The following IRF2 variants were observed in gnomAD, a reference collection of about 807,000 sequenced individuals.
IRF2 encodes the protein interferon regulatory factor 2.
IRF2 carries 15 observed loss-of-function variants against 40.6 expected under a neutral mutation model. The observed-to-expected ratio is 0.37, with a 90% CI of 0.25 to 0.57. The LOEUF is 0.57. IRF2 is among the 20% of genes least tolerant of loss of function. The pLI is 0.77. For missense variants in IRF2, 317 were observed against 455.7 expected (o/e 0.70, Z 2.77); for synonymous variants, 151 against 165.5 (o/e 0.91, Z 0.67).
At chr4:184,466,139 C>T (rs188115771) in intron 1 of IRF2, among the ~76,000 whole-genome samples, 27 of 151,854 alleles carry the variant, frequency 1.8e-4, no homozygotes, top group Non-Finnish European at 3.1e-4. Context: ...CAACCTCCGC[C>T]GCCTGGGTTC....
intron 7 of IRF2, among the ~76,000 whole-genome samples, chr4:184,395,272 G>T (rs1736404298): frequency 6.6e-6 from 1 of 152,054 alleles, no homozygotes; most frequent in African/African-American, 2.4e-5. Context: ...AATTAGCCGG[G>T]CTTGGTTGTG....
chr4:184,442,607 G>C (rs1158429188), intron 1 of IRF2, among the ~76,000 whole-genome samples: 1 of 151,954 alleles, frequency 6.6e-6, no homozygotes, highest in East Asian at 1.9e-4. Flanking sequence ...ATTTATTTAA[G>C]GTGCTGAAAA....
chr4:184,401,945 TC>T (rs1451462292), intron 6 of IRF2, among the ~76,000 whole-genome samples: 8 of 152,166 alleles, frequency 5.3e-5, no homozygotes, highest in Admixed American at 2.6e-4. Flanking sequence ...CCTAGTCAGA[TC>T]CCTTTGTTCC....
intron 4 of IRF2, 62 bp from the exon 5 acceptor site, chr4:184,418,275 CT>C: frequency 7.7e-7 from 1 of 1,303,962 alleles, no homozygotes; most frequent in Non-Finnish European, 1.1e-6. Flanking sequence ...AAACATTTCC[CT>C]CAAATTAAAT....
At chr4:184,427,331 T>A (rs1348037451) in intron 2 of IRF2, among the ~76,000 whole-genome samples, 1 of 152,216 alleles carries the variant, frequency 6.6e-6, no homozygotes, top group Non-Finnish European at 1.5e-5. Context: ...TCAGAAAGGC[T>A]CAGACAGACA....
At chr4:184,462,238 C>A (rs1382369850) in intron 1 of IRF2, among the ~76,000 whole-genome samples, 1 of 152,182 alleles carries the variant, frequency 6.6e-6, no homozygotes, top group Non-Finnish European at 1.5e-5. Context: ...AGCTCTGAGC[C>A]ACTGAGCAGC....
chr4:184,422,018 T>C (rs1737501792), intron 2 of IRF2, among the ~76,000 whole-genome samples: 1 of 152,158 alleles, frequency 6.6e-6, no homozygotes, highest in African/African-American at 2.4e-5. Flanking sequence ...CTCACTCCAT[T>C]AGCTCCGGTG....
intron 2 of IRF2, among the ~76,000 whole-genome samples, chr4:184,425,152 T>C (rs1206431166): frequency 6.6e-6 from 1 of 152,172 alleles, no homozygotes; most frequent in Non-Finnish European, 1.5e-5. Context: ...GGACAGTGTA[T>C]TCTAAGAGTT....
intron 1 of IRF2, among the ~76,000 whole-genome samples, chr4:184,453,789 T>C (rs941042818): frequency 1.3e-5 from 2 of 152,140 alleles, no homozygotes; most frequent in African/African-American, 4.8e-5. Flanking sequence ...CCTGAGCTGT[T>C]TGTGTCACCC....
At chr4:184,417,310 TA>T (rs1452277688) in intron 5 of IRF2, among the ~76,000 whole-genome samples, 1 of 152,214 alleles carries the variant, frequency 6.6e-6, no homozygotes, top group Non-Finnish European at 1.5e-5. Flanking sequence ...TATTTAAATT[TA>T]GTTAAAAATA....
At chr4:184,438,152 C>T (rs1738158030) in intron 1 of IRF2, among the ~76,000 whole-genome samples, 2 of 152,116 alleles carry the variant, frequency 1.3e-5, no homozygotes, top group African/African-American at 2.4e-5. Flanking sequence ...TCCAACAAGC[C>T]ACATGAGGCA....
chr4:184,436,257 G>C (rs1738073756), intron 1 of IRF2, among the ~76,000 whole-genome samples: 1 of 152,154 alleles, frequency 6.6e-6, no homozygotes, highest in African/African-American at 2.4e-5. Flanking sequence ...TTACAGGCGT[G>C]AGCCACTGCG....
chr4:184,464,795 G>A (rs1268863148), intron 1 of IRF2, among the ~76,000 whole-genome samples: 2 of 152,088 alleles, frequency 1.3e-5, no homozygotes, highest in Non-Finnish European at 2.9e-5. Flanking sequence ...AAGACCCCTG[G>A]AACCTTTTCA....
In IRF2 at chr4:184,413,229, AC is replaced by A. The variant is rs1737140158; in HGVS notation, c.411+4937del. 6.6e-6 allele frequency among the ~76,000 whole-genome samples: 1 copy of A among 152,092 alleles called. No individual in the cohort carries two copies. Among genetic ancestry groups the A allele is most frequent in the East Asian group, 1.9e-4 (1 of 5,198 alleles). ...CATCCCGGTGAGAAAGGCCTCCCTTACATATCAATTCCCGCCTGCTCTAAGT... is the reference window on the plus strand; with the variant it reads ...CATCCCGGTGAGAAAGGCCTCCCTTAATATCAATTCCCGCCTGCTCTAAGT... On this transcript the variant is annotated intron_variant, in intron 5 of 8. Coordinates refer to ENST00000393593, the MANE Select transcript of IRF2 (RefSeq NM_002199.4). This position sits in a 1 kb window ranked among gnomAD's most constrained non-coding sequence, Gnocchi z 4.2.
At chr4:184,397,531 G>C (rs1463955386) in intron 7 of IRF2, among the ~76,000 whole-genome samples, 1 of 147,074 alleles carries the variant, frequency 6.8e-6, no homozygotes, top group African/African-American at 2.5e-5. Context: ...TTTTAAAAGT[G>C]AAAAAAAAAA....
intron 6 of IRF2, among the ~76,000 whole-genome samples, chr4:184,405,967 A>T (rs1404448009): frequency 8.3e-6 from 1 of 119,866 alleles, no homozygotes; most frequent in Non-Finnish European, 2.0e-5. Context: ...CTCCAGGTCC[A>T]ATACAGCCAA....
chr4:184,412,328 T>G (rs997670190), intron 5 of IRF2, among the ~76,000 whole-genome samples: 2 of 152,082 alleles, frequency 1.3e-5, no homozygotes, highest in African/African-American at 2.4e-5. Flanking sequence ...ACTTGCTGAA[T>G]GGGCTTGGGG....
chr4:184,412,039 T>A (rs1737096732), intron 5 of IRF2, among the ~76,000 whole-genome samples: 1 of 148,972 alleles, frequency 6.7e-6, no homozygotes, highest in African/African-American at 2.5e-5. Flanking sequence ...AGACTCTGCT[T>A]GGGTCCAGAC....
intron 1 of IRF2, among the ~76,000 whole-genome samples, chr4:184,458,920 C>T (rs1739036448): frequency 6.6e-6 from 1 of 152,184 alleles, no homozygotes; most frequent in African/African-American, 2.4e-5. Context: ...AATAAATACA[C>T]AAATGCTTTT....
Sources: gnomAD v4.1 joint callset for allele counts (sites outside exome capture counted in the v4.1 genomes callset) on GRCh38, gnomAD v4.1.1 for gene constraint, Gnocchi (gnomAD v3.1) non-coding constraint, MANE v1.5 for transcripts, NCBI Gene and HGNC (gene_info 2026-07-23, HGNC 2026-07-21) for gene names.